TNNI2: variants seen among roughly 807,000 people sequenced by gnomAD.
The protein encoded by TNNI2 is troponin I, fast skeletal muscle.
In TNNI2, 14 loss-of-function variants were observed where a neutral mutation model predicts 26.5. The observed-to-expected ratio is 0.53, with a 90% confidence interval of 0.35 to 0.83. The LOEUF (loss-of-function observed/expected upper bound fraction) is 0.83, where lower values mean the gene tolerates loss of function less well. Ranked by LOEUF, TNNI2 falls within the 40% of genes least tolerant of loss-of-function variation. The pLI, the probability that TNNI2 is intolerant of heterozygous loss-of-function variation, is 0.01. For missense variants in TNNI2, 205 were observed against 248.5 expected, an observed-to-expected ratio of 0.82 and a Z score of 1.18; for synonymous variants, 126 against 97.6, an observed-to-expected ratio of 1.29 and a Z score of -1.71.
At position 1,840,815 on chromosome 11, in the gene TNNI2, C is replaced by G; in HGVS notation, c.187-4C>G. ...CGGCCGCCCGCCCCCACACCCACCC[C>G]TAGGAGCTCTGCAAACAGCTGCACG... On this transcript the variant is annotated splice_polypyrimidine_tract_variant and splice_region_variant and intron_variant, in intron 5 of 7. Transcript: ENST00000381911. 6.2e-7 allele frequency: 1 copy of G among 1,611,578 alleles called. No homozygotes were observed. The highest frequency in any genetic ancestry group is 8.5e-7 in the Non-Finnish European group (1 of 1,179,356).
At chr11:1,840,782 T>C (rs1847153510) in intron 5 of TNNI2, 37 bp from the exon 6 acceptor site, 1 of 1,602,864 alleles carries the variant, frequency 6.2e-7, no homozygotes, top group Non-Finnish European at 8.5e-7. Flanking sequence ...GGCTGCCAAG[T>C]GTCAGGACGG....
Position 1,840,639 on chromosome 11 carries a change from T to C in TNNI2, c.169T>C (p.Ser57Pro), listed in dbSNP as rs1470834377. ...CTGCCCGCCGCTGCATATCCCGGGCTCCATGTCTGAAGTGCAGGTACCAGC... is the reference window on the plus strand; with the variant it reads ...CTGCCCGCCGCTGCATATCCCGGGCCCCATGTCTGAAGTGCAGGTACCAGC... ...EHCPPLHIPG[S>P]MSEVQELCKQ... The change falls in exon 5 of 8, where the codon TCC (serine) becomes CCC (proline). Residue 57 changes from serine (S) to proline (P), a missense_variant. Transcript: ENST00000381911. 2 of 1,612,644 alleles carry C rather than the reference T, an allele frequency of 1.2e-6. No homozygotes were observed. The highest frequency in any genetic ancestry group is 1.7e-6 in the Non-Finnish European group (2 of 1,179,906).
chr11:1,840,108 A>C, intron 3 of TNNI2: 1 of 1,197,884 alleles, frequency 8.3e-7, no homozygotes, highest in Non-Finnish European at 1.2e-6. Context: ...TGATTCCTGC[A>C]CTTCCCGCCC....
chr11:1,839,464 T>A (rs1274336413), intron 1 of TNNI2: 1 of 592,474 alleles, frequency 1.7e-6, no homozygotes, highest in Admixed American at 2.7e-5. Flanking sequence ...CTGGGACATT[T>A]TGGGAACACT....
chr11:1,841,209 T>C lies in TNNI2; in HGVS notation c.453+2T>C. Reference sequence around the variant, plus strand: ...GTCAAGAAGGAGGACACAGAGAAGGTGCGTGCCACGGGGGGAGCACCACCA... The same window carrying C: ...GTCAAGAAGGAGGACACAGAGAAGGCGCGTGCCACGGGGGGAGCACCACCA... On this transcript the variant is annotated splice_donor_variant, in intron 7 of 7. Coordinates refer to ENST00000381911, the MANE Select transcript of TNNI2 (RefSeq NM_003282.4). LOFTEE classifies it high-confidence loss of function. 1.2e-6 allele frequency: 2 copies of C among 1,611,256 alleles called. No individual in the cohort carries two copies. The highest frequency in any genetic ancestry group is 2.2e-5 in the East Asian group (1 of 44,870).
chr11:1,840,149 G>T, intron 3 of TNNI2: 2 of 1,527,312 alleles, frequency 1.3e-6, no homozygotes, highest in Non-Finnish European at 1.8e-6. Context: ...CCCCCAACTG[G>T]CCCTCCTCTC....
At chr11:1,841,388 G>T (rs771089985) in intron 7 of TNNI2, 68 bp from the exon 8 acceptor site, 26 of 1,569,916 alleles carry the variant, frequency 1.7e-5, no homozygotes, top group Non-Finnish European at 2.2e-5. Flanking sequence ...TGAGGCTGAA[G>T]GTGGTGTGGA....
At chr11:1,841,231 A>C (rs747438878) in intron 7 of TNNI2, 24 bp downstream of exon 7, 1 of 1,606,644 alleles carries the variant, frequency 6.2e-7, no homozygotes, top group Admixed American at 1.7e-5. Context: ...GGGGAGCACC[A>C]CCACACCTAC....
chr11:1,841,505 A>G lies in TNNI2; in HGVS notation c.503A>G (p.Lys168Arg). Residue 168 changes from lysine to arginine, a missense_variant, in exon 8 of 8, where the codon AAG becomes AGG. Physicochemically the swap from Lys to Arg is conservative, Grantham distance 26. Transcript: ENST00000381911. ...GACTGGAGGAAGAACATCGAGGAGAAGTCTGGCATGGAGGGCCGGAAGAAG... is the reference window on the plus strand; with the variant it reads ...GACTGGAGGAAGAACATCGAGGAGAGGTCTGGCATGGAGGGCCGGAAGAAG... The part of the protein sequence containing the change: ...VGDWRKNIEE[K>R]SGMEGRKKMF... The G allele has an allele frequency of 1.2e-6, 2 of 1,614,126 alleles. No homozygotes were observed. Among genetic ancestry groups the G allele is most frequent in the Non-Finnish European group, 1.7e-6 (2 of 1,180,006 alleles).
At chr11:1,840,790 C>T (rs760668360) in intron 5 of TNNI2, 29 bp from the exon 6 acceptor site, 117 of 1,602,686 alleles carry the variant, frequency 7.3e-5, no homozygotes, top group Non-Finnish European at 9.4e-5. Context: ...AGTGTCAGGA[C>T]GGCCGCCCGC....
rs1035789685 is a variant in TNNI2, at chr11:1,840,520, C to G, written c.58-8C>G. ...GGCTGCAGCCCCTCACCGCCTGCCC[C>G]ACCGCAGAGTGTGATGCTGCAGATA... On this transcript the variant is annotated splice_polypyrimidine_tract_variant and splice_region_variant and intron_variant, in intron 4 of 7. Transcript: ENST00000381911. 1.2e-6 allele frequency: 2 copies of G among 1,611,592 alleles called. No individual in the cohort carries two copies. Among genetic ancestry groups the G allele is most frequent in the African/African-American group, 2.7e-5 (2 of 74,916 alleles).
rs754224223 is a variant in TNNI2 at position 1,840,840 on chromosome 11, G to C, written c.208G>C (p.Ala70Pro). The C allele has an allele frequency of 6.2e-7, 1 of 1,612,866 alleles. No homozygotes were observed. The highest frequency in any genetic ancestry group is 1.1e-5 in the South Asian group (1 of 90,990). The change falls in exon 6 of 8, where the codon GCC becomes CCC. Residue 70 changes from alanine (A) to proline (P), a missense_variant. By Grantham distance (27) the Ala-to-Pro change is conservative. Coordinates refer to ENST00000381911, the MANE Select transcript of TNNI2 (RefSeq NM_003282.4). ...CTAGGAGCTCTGCAAACAGCTGCAC[G>C]CCAAGATCGATGCGGCTGAAGAGGA... ...EVQELCKQLH[A>P]KIDAAEEEKY...
chr11:1,840,673 G>A lies in TNNI2; in HGVS notation c.186+17G>A, dbSNP rs541174544. On this transcript the variant is annotated intron_variant, in intron 5 of 7. Coordinates refer to ENST00000381911, the MANE Select transcript of TNNI2 (RefSeq NM_003282.4). ...GAAGTGCAGGTACCAGCCCCTCCCC[G>A]GCCACCCCGCCTCCCCAGCAGCAGG... 14 of 1,612,502 alleles carry A rather than the reference G, an allele frequency of 8.7e-6. No homozygotes were observed. Among genetic ancestry groups the A allele is most frequent in the Admixed American group, 3.3e-5 (2 of 60,018 alleles).
In TNNI2 at chr11:1,840,544, T is replaced by C. The variant is rs1311800209; in HGVS notation, c.74T>C (p.Ile25Thr). Residue 25 changes from isoleucine (I) to threonine (T), a missense_variant, in exon 5 of 8, where the codon ATA (isoleucine) becomes ACA (threonine). By Grantham distance (89) the Ile-to-Thr change is moderately conservative. Transcript: ENST00000381911. ...RQHLKSVMLQ[I>T]AATELEKEES... The stretch of plus-strand genomic sequence containing the variant: ...CCACCGCAGAGTGTGATGCTGCAGA[T>C]AGCGGCCACGGAGCTGGAGAAGGAG... 2 of 1,612,408 alleles carry C rather than the reference T, an allele frequency of 1.2e-6. No homozygotes were observed. The highest frequency in any genetic ancestry group is 8.5e-7 in the Non-Finnish European group (1 of 1,179,744).
rs961091480 is a variant in TNNI2, at chr11:1,841,135, G to A, written c.381G>A (p.Leu127=). The A allele has an allele frequency of 4.3e-6, 7 of 1,613,196 alleles. No individual in the cohort carries two copies. In the Admixed American group the frequency reaches 8.3e-5, roughly 19 times the overall value. ...CCGATGCCATGCTCAAGGCCCTGCT[G>A]GGCTCGAAGCACAAGGTGTGCATGG... The part of the protein sequence containing the change: ...MSADAMLKAL[L]GSKHKVCMDL... The change falls in exon 7 of 8, where the codon CTG becomes CTA. Residue 127 remains leucine (L), a synonymous_variant. Coordinates refer to ENST00000381911, the MANE Select transcript of TNNI2 (RefSeq NM_003282.4).
Position 1,841,645 on chromosome 11 carries a change from C to T in TNNI2, c.*94C>T, listed in dbSNP as rs117830156. ...AGAGCCTGCCAGGGAGGGCTGGCCT[C>T]ACCACCACCGTCAATAAAGGATTTG... is the stretch of plus-strand genomic sequence containing the variant. On this transcript the variant is annotated 3_prime_UTR_variant, in exon 8 of 8. Coordinates refer to ENST00000381911, the MANE Select transcript of TNNI2 (RefSeq NM_003282.4). The T allele has an allele frequency of 3.0e-3, 3,348 of 1,119,984 alleles. 86 individuals carry two copies. The Admixed American group carries it at 0.044, about 15-fold the overall frequency. 69.4% of individuals were successfully genotyped at this position (1,119,984 alleles called of 1,614,324 possible).
In TNNI2 at chr11:1,841,571, C is replaced by T. The variant is rs373113911; in HGVS notation, c.*20C>T. 27 of 1,611,602 alleles carry T rather than the reference C, an allele frequency of 1.7e-5. No homozygotes were observed. The highest frequency in any genetic ancestry group is 1.3e-4 in the East Asian group (6 of 44,852). Reference sequence around the variant, plus strand: ...TCCTAGGCCACTCGCTGCCCCTACGCCTGCCCCGGTGCCCGGCTCCCAGCA... The same window carrying T: ...TCCTAGGCCACTCGCTGCCCCTACGTCTGCCCCGGTGCCCGGCTCCCAGCA... On this transcript the variant is annotated 3_prime_UTR_variant, in exon 8 of 8. Coordinates refer to ENST00000381911, the MANE Select transcript of TNNI2 (RefSeq NM_003282.4).
In TNNI2 at chr11:1,841,156, C is replaced by T; in HGVS notation, c.402C>T (p.Cys134=). The change falls in exon 7 of 8, where the codon TGC becomes TGT. Residue 134 remains cysteine (C), a synonymous_variant. Coordinates refer to ENST00000381911, the MANE Select transcript of TNNI2 (RefSeq NM_003282.4). ...TGCTGGGCTCGAAGCACAAGGTGTG[C>T]ATGGACCTGAGGGCCAACCTGAAGC... ...KALLGSKHKV[C]MDLRANLKQV... 1 of 1,613,236 alleles carries T rather than the reference C, an allele frequency of 6.2e-7. No homozygotes were observed. The highest frequency in any genetic ancestry group is 8.5e-7 in the Non-Finnish European group (1 of 1,179,984).
intron 2 of TNNI2, 43 bp downstream of exon 2, chr11:1,839,747 C>A: frequency 6.2e-7 from 1 of 1,613,670 alleles, no homozygotes. Context: ...CCCTGCCCAC[C>A]TCCTGCCCTG....
Sources: allele counts gnomAD v4.1 joint callset, GRCh38; gene constraint gnomAD v4.1.1; transcripts MANE v1.5; gene names NCBI Gene and HGNC (gene_info 2026-07-23, HGNC 2026-07-21).